PPP1R21: variants seen among roughly 807,000 people sequenced by gnomAD.
PPP1R21 encodes protein phosphatase 1 regulatory subunit 21.
A neutral mutation model predicts 112.8 loss-of-function variants in PPP1R21; 85 were observed. That is an observed-to-expected ratio of 0.75 (90% CI 0.63 to 0.90). PPP1R21 has a LOEUF of 0.90. Ranked by LOEUF, PPP1R21 falls within the 40% of genes least tolerant of loss-of-function variation. The probability of loss-of-function intolerance (pLI) is 0.00; values close to 1 mark genes in which losing one functional copy is unlikely to be tolerated. For synonymous variants in PPP1R21, 381 were observed against 322.3 expected (o/e 1.18, Z -1.95); for missense variants, 1,199 against 901.5 (o/e 1.33, Z -4.23).
At chr2:48,476,769 C>G (rs1385169497) in intron 12 of PPP1R21, among the ~76,000 whole-genome samples, 1 of 151,950 alleles carries the variant, frequency 6.6e-6, no homozygotes, top group African/African-American at 2.4e-5. Flanking sequence ...TTATTGAGAT[C>G]TTTTCTCCAT....
chr2:48,507,306 A>C lies in PPP1R21; in HGVS notation c.2006A>C (p.Asn669Thr), dbSNP rs141294954. 6.3e-7 allele frequency: 1 copy of C among 1,580,614 alleles called. No individual in the cohort carries two copies. The highest frequency in any genetic ancestry group is 8.6e-7 in the Non-Finnish European group (1 of 1,168,486). ...GAATCTCGTGAAGACTTAATTAAAAATCACTACATGGCAAGGATAGTGGAA... is the reference window on the plus strand; with the variant it reads ...GAATCTCGTGAAGACTTAATTAAAACTCACTACATGGCAAGGATAGTGGAA... ...DVESREDLIK[N>T]HYMARIVELT... is the part of the protein sequence containing the mutation. Residue 669 changes from asparagine (N) to threonine (T), a missense_variant, in exon 19 of 22, where the codon AAT (asparagine) becomes ACT (threonine). Asn to Thr is a moderately conservative substitution (Grantham distance 65). Transcript: ENST00000294952.
chr2:48,486,645 T>C lies in PPP1R21; in HGVS notation c.1333T>C (p.Tyr445His), dbSNP rs372144463. 2.4e-4 allele frequency: 387 copies of C among 1,611,042 alleles called. No individual in the cohort carries two copies. Among genetic ancestry groups the C allele is most frequent in the Middle Eastern group, 1.3e-3 (8 of 6,058 alleles). The change falls in exon 14 of 22, where the codon TAT (tyrosine) becomes CAT (histidine). Residue 445 changes from tyrosine to histidine, a missense_variant. Tyr to His is a moderately conservative substitution (Grantham distance 83). Coordinates refer to ENST00000294952, the MANE Select transcript of PPP1R21 (RefSeq NM_001135629.3). The part of the protein sequence containing the change: ...HDVMKDISKH[Y>H]SQKAAIEHEL... ...TGCTTTTATAGATATTTCCAAACAT[T>C]ATAGTCAAAAAGCTGCAATAGAGCA...
chr2:48,500,690 T>A (rs1274297317), intron 17 of PPP1R21, among the ~76,000 whole-genome samples: 7 of 152,150 alleles, frequency 4.6e-5, no homozygotes, highest in Non-Finnish European at 8.8e-5. Flanking sequence ...GCGGGTGGAT[T>A]GCCTGAGCTC....
intron 12 of PPP1R21, among the ~76,000 whole-genome samples, chr2:48,478,239 C>A (rs896988435): frequency 6.6e-6 from 1 of 152,180 alleles, no homozygotes; most frequent in Non-Finnish European, 1.5e-5. Flanking sequence ...TTGTGTTAAG[C>A]CACCTTGTTT....
At chr2:48,493,916 C>T (rs1403230246) in intron 15 of PPP1R21, among the ~76,000 whole-genome samples, 1 of 151,766 alleles carries the variant, frequency 6.6e-6, no homozygotes, top group South Asian at 2.1e-4. Flanking sequence ...TCCTGATAAG[C>T]CCATTGTATG....
At chr2:48,468,193 A>G (rs1025123438) in intron 9 of PPP1R21, among the ~76,000 whole-genome samples, 1 of 152,178 alleles carries the variant, frequency 6.6e-6, no homozygotes, top group African/African-American at 2.4e-5. Flanking sequence ...CTCACAGGTA[A>G]GCGTATTTGA....
intron 1 of PPP1R21, 148 bp from the exon 2 acceptor site, chr2:48,450,860 C>G (rs561471341): frequency 5.1e-6 from 3 of 584,872 alleles, no homozygotes; most frequent in Non-Finnish European, 3.1e-6. Flanking sequence ...CTACTACCCT[C>G]TTTGGGTCTA....
chr2:48,488,467 C>T (rs1441014046), intron 14 of PPP1R21, among the ~76,000 whole-genome samples: 1 of 151,614 alleles, frequency 6.6e-6, no homozygotes, highest in African/African-American at 2.4e-5. Context: ...CCCAGGTTCA[C>T]ACCATTCTGC....
At chr2:48,493,199 G>GTACTAAAAGTTTTCT (rs1208912743) in intron 15 of PPP1R21, among the ~76,000 whole-genome samples, 34 of 151,916 alleles carry the variant, frequency 2.2e-4, no homozygotes, top group South Asian at 1.0e-3. Flanking sequence ...TAGAGACGGG[G>GTACTAAAAGTTTTCT]TTTCACCATG....
chr2:48,459,107 A>AAG (rs1667858657), intron 4 of PPP1R21, among the ~76,000 whole-genome samples: 1 of 151,630 alleles, frequency 6.6e-6, no homozygotes, highest in African/African-American at 2.4e-5. Context: ...AAAAAAAAAA[A>AAG]AAAAAGATTC....
At chr2:48,481,627 C>G (rs2103897461) in intron 13 of PPP1R21, among the ~76,000 whole-genome samples, 1 of 152,198 alleles carries the variant, frequency 6.6e-6, no homozygotes, top group East Asian at 1.9e-4. Context: ...CTTATAATCC[C>G]AGCATTTTGG....
chr2:48,512,172 GAATGTCTTACCCTTTT>G (rs1005106873), intron 21 of PPP1R21, among the ~76,000 whole-genome samples: 249 of 152,270 alleles, frequency 1.6e-3, no homozygotes, highest in African/African-American at 5.6e-3. Context: ...TATAACCTTG[GAATGTCTTACCCTTTT>G]AACTAGATTT....
At chr2:48,478,425 G>A (rs527891855) in intron 12 of PPP1R21, among the ~76,000 whole-genome samples, 1 of 152,262 alleles carries the variant, frequency 6.6e-6, no homozygotes, top group South Asian at 2.1e-4. Flanking sequence ...TGCTTCTCAA[G>A]GATTCAGCCT....
At chr2:48,470,806 C>G (rs981139770) in intron 9 of PPP1R21, among the ~76,000 whole-genome samples, 1 of 152,052 alleles carries the variant, frequency 6.6e-6, no homozygotes, top group African/African-American at 2.4e-5. Flanking sequence ...CCTCTGATGC[C>G]TGGTTATTAA....
rs1667409364 is a variant in PPP1R21 at position 48,450,104 on chromosome 2, G to T, written c.58-904G>T. Among the ~76,000 whole-genome samples, 4 of 152,032 alleles carry T rather than the reference G, an allele frequency of 2.6e-5. No individual in the cohort carries two copies. The South Asian group carries it at 8.3e-4, about 32-fold the overall frequency. On this transcript the variant is annotated intron_variant, in intron 1 of 21. Transcript: ENST00000294952. Reference sequence around the variant, plus strand: ...ATTTCTCAGTATTTAATAATTATCTGTGAAAAAAAGCCCAAGTTTTACCTC... The same window carrying T: ...ATTTCTCAGTATTTAATAATTATCTTTGAAAAAAAGCCCAAGTTTTACCTC...
chr2:48,483,544 CAGCACAA>C (rs1443898439), intron 13 of PPP1R21, among the ~76,000 whole-genome samples: 6 of 152,162 alleles, frequency 3.9e-5, no homozygotes, highest in South Asian at 2.1e-4. Flanking sequence ...CCAAAGCAAA[CAGCACAA>C]AGCATAAAGC....
chr2:48,506,944 C>CA (rs11314362), intron 18 of PPP1R21, among the ~76,000 whole-genome samples: 92 of 96,418 alleles, frequency 9.5e-4, no homozygotes, highest in East Asian at 5.0e-3. Flanking sequence ...GACTCTGCCT[C>CA]AAAAAAAAAA....
intron 14 of PPP1R21, among the ~76,000 whole-genome samples, chr2:48,490,559 G>A (rs1256940696): frequency 6.6e-6 from 1 of 152,024 alleles, no homozygotes; most frequent in Non-Finnish European, 1.5e-5. Flanking sequence ...TTTTTAAATT[G>A]AGATTTATAG....
chr2:48,467,333 G>A (rs1465019419), intron 9 of PPP1R21, among the ~76,000 whole-genome samples: 2 of 152,026 alleles, frequency 1.3e-5, no homozygotes, highest in Admixed American at 6.6e-5. Flanking sequence ...TCATTTAACC[G>A]AAAAGGATAA....
Sources: allele counts gnomAD v4.1 joint callset (sites outside exome capture counted in the v4.1 genomes callset), GRCh38; gene constraint gnomAD v4.1.1; transcripts MANE v1.5; gene names NCBI Gene and HGNC (gene_info 2026-07-23, HGNC 2026-07-21).